The following ASB11 variants were observed in gnomAD, a reference collection of about 807,000 sequenced individuals.
The protein encoded by ASB11 is ankyrin repeat and SOCS box protein 11.
In ASB11, 17 loss-of-function variants were observed where a neutral mutation model predicts 20.1. That is an observed-to-expected ratio of 0.85 (90% CI 0.58 to 1.27). The LOEUF (loss-of-function observed/expected upper bound fraction) is 1.27, where lower values mean the gene tolerates loss of function less well. Ranked by LOEUF, ASB11 falls within the 50% of genes most tolerant of loss-of-function variation. The probability of loss-of-function intolerance (pLI) is 0.00; values close to 1 mark genes in which losing one functional copy is unlikely to be tolerated. For missense variants in ASB11, 259 were observed against 256.9 expected (o/e 1.01, Z -0.06); for synonymous variants, 107 against 105.6 (o/e 1.01, Z -0.08).
intron 1 of ASB11, among the ~76,000 whole-genome samples, chrX:15,308,872 G>T (rs966174770): frequency 3.6e-5 from 4 of 111,593 alleles, no homozygotes; most frequent in Non-Finnish European, 7.5e-5. Context: ...TAGGAACCGG[G>T]CTGCACAGCA....
chrX:15,284,150 G>C (rs1927290467), intron 6 of ASB11, among the ~76,000 whole-genome samples: 1 of 106,351 alleles, frequency 9.4e-6, no homozygotes, highest in Admixed American at 1.0e-4. Flanking sequence ...TACTCGGGAG[G>C]CTGAGGCAGG....
chrX:15,309,985 A>AAAAAAAAAAAAAAAAAAAAAAT (rs1921377537), intron 1 of ASB11, among the ~76,000 whole-genome samples: 1 of 104,412 alleles, frequency 9.6e-6, no homozygotes, highest in African/African-American at 3.4e-5. Context: ...AAAAAAAAAA[A>AAAAAAAAAAAAAAAAAAAAAAT]AAAAAAGTAG....
chrX:15,283,460 C>G lies in ASB11; in HGVS notation c.*45G>C, dbSNP rs1172715575. 3 of 1,202,700 alleles carry G rather than the reference C, an allele frequency of 2.5e-6. No individual in the cohort carries two copies. The highest frequency in any genetic ancestry group is 2.2e-5 in the Admixed American group (1 of 45,896). ...CATTAGGTACTCTAGGTACAGCAGA[C>G]AACAATCTGTGTCATTCCAAGTATC... On this transcript the variant is annotated 3_prime_UTR_variant, in exon 7 of 7. Transcript: ENST00000480796.
At chrX:15,288,194 A>G in intron 5 of ASB11, 122 bp from the exon 6 acceptor site, 1 of 764,351 alleles carries the variant, frequency 1.3e-6, no homozygotes, top group Non-Finnish European at 1.8e-6. Context: ...AAATGTTTGA[A>G]AATATGCAAC....
At chrX:15,284,065 A>T (rs1927279412) in intron 6 of ASB11, among the ~76,000 whole-genome samples, 1 of 107,271 alleles carries the variant, frequency 9.3e-6, no homozygotes, top group South Asian at 4.1e-4. Flanking sequence ...ATCCTGGCTA[A>T]CACGGTGAAA....
In ASB11 at chrX:15,282,774, T is replaced by G. The variant is rs765331480; in HGVS notation, c.*731A>C. 9 of 108,686 alleles carry G rather than the reference T, an allele frequency of 8.3e-5. No individual in the cohort carries two copies. The highest frequency in any genetic ancestry group is 3.0e-4 in the African/African-American group (9 of 30,140). The allele number at this position is 108,686 out of a possible 1,213,427, so 9.0% of individuals were successfully genotyped here. ...GGAAGCCTCAGTTAACTACAATGTT[T>G]CTGAAGTCCTTAACTTTATATATGT... On this transcript the variant is annotated 3_prime_UTR_variant, in exon 7 of 7. Coordinates refer to ENST00000480796, the MANE Select transcript of ASB11 (RefSeq NM_080873.3).
At chrX:15,292,584 A>C (rs1299268178) in intron 4 of ASB11, among the ~76,000 whole-genome samples, 4 of 112,175 alleles carry the variant, frequency 3.6e-5, no homozygotes, top group African/African-American at 1.3e-4. Context: ...CAGCTTCAAG[A>C]TTACCAATGC....
intron 2 of ASB11, among the ~76,000 whole-genome samples, chrX:15,298,302 G>A (rs2147695201): frequency 9.0e-6 from 1 of 111,298 alleles, no homozygotes; most frequent in African/African-American, 3.3e-5. Flanking sequence ...CATTAGGAGA[G>A]AATAGAAACT....
intron 2 of ASB11, among the ~76,000 whole-genome samples, chrX:15,301,105 G>A (rs1384700283): frequency 9.0e-6 from 1 of 110,911 alleles, no homozygotes. Context: ...TGGGATTATA[G>A]GCGCCCACCA....
At chrX:15,312,037 T>C (rs1358007208) in intron 1 of ASB11, among the ~76,000 whole-genome samples, 3 of 110,978 alleles carry the variant, frequency 2.7e-5, no homozygotes, top group Non-Finnish European at 5.7e-5. Context: ...ACACTATATT[T>C]TCTTTCTTGA....
chrX:15,297,237 G>A (rs1238101293), intron 3 of ASB11, among the ~76,000 whole-genome samples: 2 of 111,667 alleles, frequency 1.8e-5, no homozygotes, highest in Admixed American at 1.9e-4. Flanking sequence ...TGCAGTGAGC[G>A]GAGATTGTGC....
At chrX:15,297,103 C>T (rs1920971787) in intron 3 of ASB11, among the ~76,000 whole-genome samples, 1 of 112,117 alleles carries the variant, frequency 8.9e-6, no homozygotes, top group Admixed American at 9.4e-5. Flanking sequence ...ACCATCCTGG[C>T]TAACACAGTG....
chrX:15,307,928 ATC>A (rs1200241932), intron 1 of ASB11, among the ~76,000 whole-genome samples: 4 of 111,906 alleles, frequency 3.6e-5, no homozygotes, highest in Non-Finnish European at 7.5e-5. Flanking sequence ...TCTAGCTGTA[ATC>A]TCTGATCCTC....
At position 15,293,258 on chromosome X, in the gene ASB11, A is replaced by G. The variant is rs756279227; in HGVS notation, c.432T>C (p.Ala144=). The G allele has an allele frequency of 5.8e-6, 7 of 1,211,691 alleles. No homozygotes were observed. Among genetic ancestry groups the G allele is most frequent in the Non-Finnish European group, 7.8e-6 (7 of 895,388 alleles). ...ACTCCAGCAGCACATTGACACATGC[A>G]GCACTGCCGCTGCAGCAAGCATTGA... ...PLFNACCSGS[A]ACVNVLLEFG... is the part of the protein sequence containing the mutation. Residue 144 remains alanine, a synonymous_variant, in exon 4 of 7, where the codon GCT becomes GCC. Coordinates refer to ENST00000480796, the MANE Select transcript of ASB11 (RefSeq NM_080873.3).
In ASB11 at chrX:15,285,454, A is replaced by G. The variant is rs1927356992; in HGVS notation, c.848-1825T>C. Among the ~76,000 whole-genome samples the G allele has an allele frequency of 3.6e-5, 4 of 110,640 alleles. No individual in the cohort carries two copies. The South Asian group carries it at 1.5e-3, about 43-fold the overall frequency. On this transcript the variant is annotated intron_variant, in intron 6 of 6. Coordinates refer to ENST00000480796, the MANE Select transcript of ASB11 (RefSeq NM_080873.3). ...GCGCCCAGCCAGTATTAATCTTTCT[A>G]GAGCAAGTGGCTATATTTATGAAGA... is the stretch of plus-strand genomic sequence containing the variant.
intron 6 of ASB11, among the ~76,000 whole-genome samples, chrX:15,285,267 G>A (rs909528655): frequency 4.6e-5 from 5 of 108,345 alleles, no homozygotes; most frequent in Non-Finnish European, 5.7e-5. Flanking sequence ...CAGCCTCCCG[G>A]GTAGGTGGGA....
At chrX:15,293,603 C>T (rs1927590601) in intron 3 of ASB11, among the ~76,000 whole-genome samples, 1 of 111,438 alleles carries the variant, frequency 9.0e-6, no homozygotes, top group African/African-American at 3.3e-5. Context: ...TATGACTCCC[C>T]TCTGAATCAT....
At position 15,297,648 on chromosome X, in the gene ASB11, C is replaced by A. The variant is rs757138807; in HGVS notation, c.295G>T (p.Val99Leu). ...VNVNLVTINR[V>L]SSLHEACLGG... ...AGGCATGCCTCGTGGAGAGAAGACA[C>A]CCGGTTAATTGTCACAAGGTTCACA... The change falls in exon 3 of 7, where the codon GTG becomes TTG. Residue 99 changes from valine to leucine, a missense_variant. Val to Leu is a conservative substitution (Grantham distance 32). Transcript: ENST00000480796. 8.3e-7 allele frequency: 1 copy of A among 1,208,824 alleles called. No individual in the cohort carries two copies. Among genetic ancestry groups the A allele is most frequent in the South Asian group, 1.8e-5 (1 of 56,745 alleles).
intron 1 of ASB11, among the ~76,000 whole-genome samples, chrX:15,312,430 A>C (rs888728661): frequency 1.9e-5 from 2 of 106,222 alleles, no homozygotes; most frequent in African/African-American, 6.8e-5. Context: ...AAAAAAAAAA[A>C]AAAAAACAAC....
Sources: gnomAD v4.1 joint callset for allele counts (sites outside exome capture counted in the v4.1 genomes callset) on GRCh38, gnomAD v4.1.1 for gene constraint, MANE v1.5 for transcripts, NCBI Gene and HGNC (gene_info 2026-07-23, HGNC 2026-07-21) for gene names.